The following REV1 variants were observed in gnomAD, a reference collection of about 807,000 sequenced individuals.
REV1 encodes the protein translesion synthesis protein REV1.
REV1 carries 42 observed loss-of-function variants against 137.4 expected under a neutral mutation model. The ratio of observed to expected loss-of-function variants is 0.31; its 90% CI spans 0.24 to 0.40. REV1 has a LOEUF of 0.40. REV1 is among the 10% of genes least tolerant of loss of function. The probability of loss-of-function intolerance (pLI) is 1.00; values close to 1 mark genes in which losing one functional copy is unlikely to be tolerated. For missense variants in REV1, 1,282 were observed against 1,490.1 expected, an observed-to-expected ratio of 0.86 and a Z score of 2.30; for synonymous variants, 524 against 519.2, an observed-to-expected ratio of 1.01 and a Z score of -0.12.
At chr2:99,419,824 GT>G (rs1332391177) in intron 11 of REV1, among the ~76,000 whole-genome samples, 1 of 152,176 alleles carries the variant, frequency 6.6e-6, no homozygotes, top group Non-Finnish European at 1.5e-5. Flanking sequence ...GGGCTTCTCC[GT>G]GAATAATAAA....
chr2:99,405,618 G>C (rs1407082470), intron 17 of REV1: 3 of 245,064 alleles, frequency 1.2e-5, no homozygotes, highest in Non-Finnish European at 2.3e-5. Context: ...AATACAGTAA[G>C]TCTGCATGAT....
intron 14 of REV1, among the ~76,000 whole-genome samples, chr2:99,408,660 G>T (rs1221783261): frequency 1.3e-5 from 2 of 152,170 alleles, no homozygotes; most frequent in East Asian, 3.8e-4. Flanking sequence ...TCTTGAAGGA[G>T]GACCAAATGG....
At chr2:99,444,102 G>A (rs1043335500) in intron 4 of REV1, among the ~76,000 whole-genome samples, 1 of 152,174 alleles carries the variant, frequency 6.6e-6, no homozygotes, top group Non-Finnish European at 1.5e-5. Flanking sequence ...TTACAGGTGT[G>A]AGCCACCGCG....
chr2:99,401,693 G>A (rs1675446486), intron 22 of REV1, among the ~76,000 whole-genome samples: 1 of 152,192 alleles, frequency 6.6e-6, no homozygotes, highest in African/African-American at 2.4e-5. Context: ...GCTGCAGTAA[G>A]CCAAGATCCT....
intron 13 of REV1, among the ~76,000 whole-genome samples, chr2:99,411,735 T>G (rs892706093): frequency 1.3e-5 from 2 of 151,728 alleles, no homozygotes; most frequent in African/African-American, 4.8e-5. Flanking sequence ...ATGCCATCAC[T>G]GACTTGTCGA....
Position 99,438,742 on chromosome 2 carries a change from G to C in REV1, c.1072C>G (p.Leu358Val), listed in dbSNP as rs753785692. 5 of 1,614,116 alleles carry C rather than the reference G, an allele frequency of 3.1e-6. No individual in the cohort carries two copies. Among genetic ancestry groups the C allele is most frequent in the Non-Finnish European group, 4.2e-6 (5 of 1,179,930 alleles). Residue 358 changes from leucine (L) to valine (V), a missense_variant, in exon 6 of 23, where the codon CTG becomes GTG. By Grantham distance (32) the Leu-to-Val change is conservative (BLOSUM62 1). This residue lies in a region of REV1 where 432 missense variants were observed against 438.0 expected (regional missense o/e 0.99). Transcript: ENST00000258428. Reference protein sequence around the residue: ...FISNFYSHSRLHHISMWKCEL... With the variant: ...FISNFYSHSRVHHISMWKCEL... ...CACTTCCACATTGATATGTGATGCA[G>C]TCTTGAATGAGAATAGAAGTTTGAA... is the stretch of plus-strand genomic sequence containing the variant.
intron 8 of REV1, among the ~76,000 whole-genome samples, chr2:99,430,186 T>C (rs766438799): frequency 3.9e-5 from 6 of 152,024 alleles, no homozygotes; most frequent in Admixed American, 1.3e-4. Context: ...CCTGGGAGGT[T>C]TGTTTTTTTT....
intron 1 of REV1, among the ~76,000 whole-genome samples, chr2:99,469,359 T>C (rs1311240632): frequency 6.6e-6 from 1 of 152,210 alleles, no homozygotes; most frequent in East Asian, 1.9e-4. Flanking sequence ...TCCATGTGAC[T>C]CTGTAAGACA....
intron 3 of REV1, among the ~76,000 whole-genome samples, chr2:99,452,647 C>T (rs1683061600): frequency 6.6e-6 from 1 of 152,156 alleles, no homozygotes; most frequent in East Asian, 1.9e-4. Context: ...TCTTTGAAGG[C>T]AGGAACCTTG....
intron 5 of REV1, among the ~76,000 whole-genome samples, chr2:99,439,942 A>G (rs1431780125): frequency 6.6e-6 from 1 of 152,246 alleles, no homozygotes; most frequent in African/African-American, 2.4e-5. Context: ...TTAACCTATT[A>G]ATGAGCTAAC....
chr2:99,406,359 T>C lies in REV1; in HGVS notation c.2580A>G (p.Lys860=), dbSNP rs771612603. ...YSVRDVFQVQ[K]AKKSTEEEHK... is the part of the protein sequence containing the mutation. ...GCTCCTCTTCGGTGGATTTCTTAGC[T>C]TTCTGAACTTGGAAGACATCACGGA... The change falls in exon 16 of 23, where the codon AAA becomes AAG. Residue 860 remains lysine, a synonymous_variant. Coordinates refer to ENST00000258428, the MANE Select transcript of REV1 (RefSeq NM_016316.4). 1 of 1,613,308 alleles carries C rather than the reference T, an allele frequency of 6.2e-7. No homozygotes were observed.
intron 3 of REV1, among the ~76,000 whole-genome samples, chr2:99,449,996 AT>A (rs1271713971): frequency 6.6e-6 from 1 of 152,138 alleles, no homozygotes; most frequent in Non-Finnish European, 1.5e-5. Context: ...TTATTAGTAG[AT>A]TTTACTTCTA....
At chr2:99,452,814 A>G (rs1291439491) in intron 3 of REV1, among the ~76,000 whole-genome samples, 2 of 152,172 alleles carry the variant, frequency 1.3e-5, no homozygotes, top group Non-Finnish European at 2.9e-5. Flanking sequence ...ATCTCAAAAC[A>G]CTTATTCACT....
chr2:99,402,654 A>G lies in REV1; in HGVS notation c.3531T>C (p.Thr1177=). 1.2e-6 allele frequency: 2 copies of G among 1,613,800 alleles called. No homozygotes were observed. The highest frequency in any genetic ancestry group is 1.7e-6 in the Non-Finnish European group (2 of 1,179,818). The part of the protein sequence containing the change: ...DVKTLLREWI[T]TISDPMEEDI... ...ACAGGCCAAGCCAACCTGAAATTGT[A>G]GTTATCCATTCTCTGAGCAAGGTCT... Residue 1177 remains threonine (T), a synonymous_variant, in exon 21 of 23, where the codon ACT becomes ACC. Coordinates refer to ENST00000258428, the MANE Select transcript of REV1 (RefSeq NM_016316.4).
chr2:99,414,599 C>A, intron 12 of REV1, among the ~76,000 whole-genome samples: 1 of 152,248 alleles, frequency 6.6e-6, no homozygotes, highest in African/African-American at 2.4e-5. Flanking sequence ...AAGGTAGACA[C>A]TTTGCACAGC....
chr2:99,444,939 T>C (rs1355399607), intron 4 of REV1, among the ~76,000 whole-genome samples: 1 of 152,210 alleles, frequency 6.6e-6, no homozygotes, highest in Non-Finnish European at 1.5e-5. Context: ...TCCATCTTTA[T>C]CCAAAAGATA....
chr2:99,477,948 G>C (rs1686168767), intron 1 of REV1, among the ~76,000 whole-genome samples: 1 of 152,188 alleles, frequency 6.6e-6, no homozygotes, highest in South Asian at 2.1e-4. Context: ...AAAGTACCTA[G>C]GAGGCTAGGC....
chr2:99,470,738 T>A lies in REV1; in HGVS notation c.-10-5753A>T, dbSNP rs576512615. Among the ~76,000 whole-genome samples, 450 of 152,316 alleles carry A rather than the reference T, an allele frequency of 3.0e-3. 4 individuals are homozygous for A. Among genetic ancestry groups the A allele is most frequent in the African/African-American group, 0.01 (431 of 41,564 alleles). ...AGCCAATCAGAACAAATACAGAATG[T>A]GAGGTCCTGTTCCAGCCAATGGAAA... On this transcript the variant is annotated intron_variant, in intron 1 of 22. Transcript: ENST00000258428.
intron 22 of REV1, 45 bp downstream of exon 22, chr2:99,402,199 T>G (rs367919869): frequency 1.2e-6 from 1 of 805,886 alleles, no homozygotes; most frequent in East Asian, 2.7e-5. Flanking sequence ...TCAGCCATTG[T>G]GACATGCCAT....
Sources: allele counts gnomAD v4.1 joint callset (sites outside exome capture counted in the v4.1 genomes callset), GRCh38; gene constraint gnomAD v4.1.1; regional missense constraint gnomAD v4.1.1; transcripts MANE v1.5; gene names NCBI Gene and HGNC (gene_info 2026-07-23, HGNC 2026-07-21).